CRISP2: variants seen among roughly 807,000 people sequenced by gnomAD.
CRISP2 encodes cysteine-rich secretory protein 2.
In CRISP2, 29 loss-of-function variants were observed where a neutral mutation model predicts 31.7. The observed-to-expected ratio is 0.92, with a 90% CI of 0.68 to 1.25. The LOEUF (loss-of-function observed/expected upper bound fraction) is 1.25. CRISP2 is among the 50% of genes most tolerant of loss of function. CRISP2 has a pLI of 0.00. For missense variants in CRISP2, 318 were observed against 286.5 expected (o/e 1.11, Z -0.79); for synonymous variants, 111 against 101.4 (o/e 1.09, Z -0.57).
chr6:49,692,837 C>T lies in CRISP2; in HGVS notation c.668G>A (p.Cys223Tyr). 9.3e-6 allele frequency: 15 copies of T among 1,613,806 alleles called. No individual in the cohort carries two copies. Among genetic ancestry groups the T allele is most frequent in the Non-Finnish European group, 1.2e-5 (14 of 1,179,724 alleles). Residue 223 changes from cysteine (C) to tyrosine (Y), a missense_variant, in exon 10 of 10, where the codon TGT (cysteine) becomes TAT (tyrosine). Coordinates refer to ENST00000339139, the MANE Select transcript of CRISP2 (RefSeq NM_003296.4). The part of the protein sequence containing the change: ...NCDSLKNTAG[C>Y]EHELLKEKCK... ...CTTTTCCTTGAGTAACTCATGTTCA[C>T]AGCCAGCTGTATTCTTCAAGGAATC... is the stretch of plus-strand genomic sequence containing the variant.
intron 5 of CRISP2, 150 bp from the exon 6 acceptor site, chr6:49,700,041 T>A: frequency 1.4e-6 from 1 of 707,610 alleles, no homozygotes; most frequent in Non-Finnish European, 2.3e-6. Flanking sequence ...TTTTTATCTC[T>A]TCTGGTGCCA....
At chr6:49,681,893 A>G in the CRISP2 span, among the ~76,000 whole-genome samples, 18 of 151,824 alleles carry the variant, frequency 1.2e-4, no homozygotes, top group African/African-American at 4.1e-4. Context: ...CCTCCTTGTC[A>G]TTATTCCTTG....
At chr6:49,676,684 G>A in the CRISP2 span, among the ~76,000 whole-genome samples, 57 of 152,042 alleles carry the variant, frequency 3.7e-4, no homozygotes, top group African/African-American at 1.3e-3. Flanking sequence ...ATAATCACAA[G>A]GCCTTTGAAC....
chr6:49,676,867 G>T, the CRISP2 span, among the ~76,000 whole-genome samples: 1 of 152,236 alleles, frequency 6.6e-6, no homozygotes, highest in Admixed American at 6.5e-5. Flanking sequence ...TTCTTGCTAG[G>T]TCGTTCAGAG....
chr6:49,711,749 G>A (rs370932750), intron 2 of CRISP2, among the ~76,000 whole-genome samples: 4 of 152,150 alleles, frequency 2.6e-5, no homozygotes, highest in Non-Finnish European at 5.9e-5. Context: ...TATTGGTTAC[G>A]GGTGCATTCT....
At position 49,699,857 on chromosome 6, in the gene CRISP2, C is replaced by T. The variant is rs1330618944; in HGVS notation, c.218G>A (p.Arg73Lys). Residue 73 changes from arginine (R) to lysine (K), a missense_variant, in exon 6 of 10, where the codon AGG (arginine) becomes AAG (lysine). Coordinates refer to ENST00000339139, the MANE Select transcript of CRISP2 (RefSeq NM_003296.4). ...WSREVTTNAQ[R>K]WANKCTLQHS... Reference sequence around the variant, plus strand: ...TTGTAAAGTGCACTTGTTTGCCCACCTTTGGGCATTCGTTGTTACCTCTCT... The same window carrying T: ...TTGTAAAGTGCACTTGTTTGCCCACTTTTGGGCATTCGTTGTTACCTCTCT... 1.9e-6 allele frequency: 3 copies of T among 1,612,670 alleles called. No individual in the cohort carries two copies. The highest frequency in any genetic ancestry group is 1.7e-5 in the Admixed American group (1 of 59,874).
chr6:49,700,041 T>C, intron 5 of CRISP2, 150 bp from the exon 6 acceptor site: 1 of 707,610 alleles, frequency 1.4e-6, no homozygotes, highest in Non-Finnish European at 2.3e-6. Context: ...TTTTTATCTC[T>C]TCTGGTGCCA....
intron 4 of CRISP2, among the ~76,000 whole-genome samples, chr6:49,707,001 G>A (rs1767143483): frequency 1.3e-5 from 2 of 151,836 alleles, no homozygotes; most frequent in Admixed American, 6.6e-5. Flanking sequence ...ATTTTCTCTC[G>A]ACCTAAAAAA....
At chr6:49,706,370 T>C (rs903339716) in intron 4 of CRISP2, among the ~76,000 whole-genome samples, 3 of 152,190 alleles carry the variant, frequency 2.0e-5, no homozygotes, top group African/African-American at 4.8e-5. Flanking sequence ...AAGATAACTT[T>C]GTAAAACTAA....
downstream of CRISP2, among the ~76,000 whole-genome samples, chr6:49,690,152 T>C (rs571046279): frequency 4.1e-4 from 63 of 152,252 alleles, no homozygotes; most frequent in African/African-American, 1.3e-3. Context: ...ATTTAGTCAA[T>C]ACCTGATTGA....
chr6:49,683,062 G>C, the CRISP2 span, among the ~76,000 whole-genome samples: 1 of 151,928 alleles, frequency 6.6e-6, no homozygotes, highest in East Asian at 1.9e-4. Context: ...GGAGGCTAAG[G>C]CAGGAGAATT....
chr6:49,683,678 AAAAAAAAAAAAAAAAAATATATAT>A, the CRISP2 span, among the ~76,000 whole-genome samples: 5 of 32,810 alleles, frequency 1.5e-4, no homozygotes, highest in Non-Finnish European at 1.9e-4. Context: ...AAAAAAAAAA[AAAAAAAAAAAAAAAAAATATATAT>A]ATATATATAT....
chr6:49,687,391 A>G (rs1763916278), downstream of CRISP2, among the ~76,000 whole-genome samples: 2 of 152,188 alleles, frequency 1.3e-5, no homozygotes. Flanking sequence ...AAGCTACTAA[A>G]AATTTCTTTT....
intron 4 of CRISP2, 120 bp downstream of exon 4, chr6:49,709,011 C>G (rs1767540731): frequency 1.2e-6 from 1 of 809,474 alleles, no homozygotes; most frequent in African/African-American, 1.7e-5. Flanking sequence ...GCTCTGAGAA[C>G]TCTGAACCAG....
the CRISP2 span, among the ~76,000 whole-genome samples, chr6:49,685,443 T>C: frequency 6.6e-6 from 1 of 152,216 alleles, no homozygotes; most frequent in Non-Finnish European, 1.5e-5. Context: ...TTTATCTTTG[T>C]ATGTTAAAAA....
intron 4 of CRISP2, among the ~76,000 whole-genome samples, chr6:49,706,203 G>A (rs1026375982): frequency 6.6e-6 from 1 of 152,164 alleles, no homozygotes; most frequent in South Asian, 2.1e-4. Flanking sequence ...TAAAGCTGGA[G>A]CCCATGATTC....
the CRISP2 span, among the ~76,000 whole-genome samples, chr6:49,682,106 C>T: frequency 6.6e-6 from 1 of 152,092 alleles, no homozygotes; most frequent in Non-Finnish European, 1.5e-5. Flanking sequence ...GTCTCTCTGG[C>T]ATCTATACTA....
At chr6:49,693,029 C>T in intron 9 of CRISP2, 129 bp from the exon 10 acceptor site, 1 of 824,398 alleles carries the variant, frequency 1.2e-6, no homozygotes, top group Non-Finnish European at 1.9e-6. Context: ...TACAATGGGT[C>T]TTTCATGTCT....
chr6:49,711,105 A>T (rs994296863), intron 3 of CRISP2, among the ~76,000 whole-genome samples, 180 bp downstream of exon 3: 6 of 152,192 alleles, frequency 3.9e-5, no homozygotes, highest in Non-Finnish European at 1.5e-5. Flanking sequence ...TGATCACAGC[A>T]CTGCATTCCA....
Sources: gnomAD v4.1 joint callset for allele counts (sites outside exome capture counted in the v4.1 genomes callset) on GRCh38, gnomAD v4.1.1 for gene constraint, MANE v1.5 for transcripts, NCBI Gene and HGNC (gene_info 2026-07-23, HGNC 2026-07-21) for gene names.